Variants in LPCAT2 observed in about 807,000 individuals in gnomAD.
LPCAT2 encodes 1-AGP acyltransferase 11.
LPCAT2 carries 58 observed loss-of-function variants against 64.7 expected under a neutral mutation model. The ratio of observed to expected loss-of-function variants is 0.90; its 90% confidence interval spans 0.73 to 1.12. LPCAT2 has a LOEUF of 1.12. LPCAT2 is among the 50% of genes most tolerant of loss of function. The pLI is 0.00. For missense variants in LPCAT2, 579 were observed against 669.8 expected, an observed-to-expected ratio of 0.86 and a Z score of 1.50; for synonymous variants, 252 against 245.3, an observed-to-expected ratio of 1.03 and a Z score of -0.26.
rs1596867112 is a variant in LPCAT2, at chr16:55,542,049, A to G, written c.853-3686A>G. 52 of 997,930 alleles carry G rather than the reference A, an allele frequency of 5.2e-5. 1 individual carries two copies. The South Asian group carries it at 9.2e-4, about 18-fold the overall frequency. The allele number at this position is 997,930 out of a possible 1,614,324, so 61.8% of individuals were successfully genotyped here. A position where few individuals can be genotyped will look rare whatever the true frequency, so the allele number is the denominator to read the frequency against. On this transcript the variant is annotated intron_variant, in intron 8 of 13. Coordinates refer to ENST00000262134, the MANE Select transcript of LPCAT2 (RefSeq NM_017839.5). The stretch of plus-strand genomic sequence containing the variant: ...TCATAATTCTTCAATCTTCCTCATC[A>G]TTTTTTTAGTAGAAAGGAATGTGCT...
intron 11 of LPCAT2, among the ~76,000 whole-genome samples, chr16:55,571,853 A>G (rs938370680): frequency 1.3e-5 from 2 of 152,202 alleles, no homozygotes; most frequent in Non-Finnish European, 2.9e-5. Flanking sequence ...AGCTATGGCA[A>G]TAGTGAGTTT....
intron 1 of LPCAT2, among the ~76,000 whole-genome samples, chr16:55,515,935 A>G (rs1489396480): frequency 6.6e-6 from 1 of 152,248 alleles, no homozygotes; most frequent in Non-Finnish European, 1.5e-5. Context: ...GACATAGAGA[A>G]ATTTAAAAAG....
At chr16:55,557,103 A>C (rs1963585432) in intron 11 of LPCAT2, 1 of 152,210 alleles carries the variant, frequency 6.6e-6, no homozygotes, top group Non-Finnish European at 1.5e-5. Flanking sequence ...TCTGAGGTTT[A>C]GATATAAACC....
At chr16:55,519,355 A>G (rs1277885211) in intron 1 of LPCAT2, among the ~76,000 whole-genome samples, 1 of 151,654 alleles carries the variant, frequency 6.6e-6, no homozygotes, top group Non-Finnish European at 1.5e-5. Flanking sequence ...AAAAAATACA[A>G]AAAATTAGCC....
intron 8 of LPCAT2, among the ~76,000 whole-genome samples, chr16:55,543,751 G>A (rs1963422256): frequency 6.6e-6 from 1 of 152,168 alleles, no homozygotes; most frequent in African/African-American, 2.4e-5. Flanking sequence ...GGACTTCAGA[G>A]ATCGTTTAGT....
chr16:55,521,033 T>G (rs771336930), intron 1 of LPCAT2, among the ~76,000 whole-genome samples: 1 of 151,562 alleles, frequency 6.6e-6, no homozygotes, highest in Non-Finnish European at 1.5e-5. Flanking sequence ...ACAAACCACA[T>G]AGAAAATTAA....
chr16:55,567,608 C>A (rs190607527), intron 11 of LPCAT2: 1 of 1,136,716 alleles, frequency 8.8e-7, no homozygotes, highest in Non-Finnish European at 1.3e-6. Flanking sequence ...CATTTCCTGG[C>A]AAGCTCTTTC....
At chr16:55,539,275 T>TA (rs1194994937) in intron 8 of LPCAT2, 1 of 151,356 alleles carries the variant, frequency 6.6e-6, no homozygotes, top group African/African-American at 2.4e-5. Context: ...TTTTTTTTTT[T>TA]AATTACGATA....
At chr16:55,561,775 G>C (rs980166080) in intron 11 of LPCAT2, among the ~76,000 whole-genome samples, 4 of 152,000 alleles carry the variant, frequency 2.6e-5, no homozygotes, top group Admixed American at 6.6e-5. Flanking sequence ...CTAAAAGGAA[G>C]AGAGTTCTTT....
intron 2 of LPCAT2, chr16:55,525,942 G>C (rs1963164729): frequency 5.6e-6 from 1 of 178,370 alleles, no homozygotes; most frequent in South Asian, 1.9e-4. Context: ...TGTTTTCTGA[G>C]TTATTGCCAA....
At chr16:55,545,109 C>T (rs1963438690) in intron 8 of LPCAT2, among the ~76,000 whole-genome samples, 1 of 151,790 alleles carries the variant, frequency 6.6e-6, no homozygotes. Context: ...TAAATAAAAA[C>T]AAGAACAATA....
chr16:55,550,982 T>C lies in LPCAT2; in HGVS notation c.1095T>C (p.Asp365=). 1 of 1,607,108 alleles carries C rather than the reference T, an allele frequency of 6.2e-7. No individual in the cohort carries two copies. The highest frequency in any genetic ancestry group is 8.5e-7 in the Non-Finnish European group (1 of 1,175,288). The change falls in exon 11 of 14, where the codon GAT becomes GAC. Residue 365 remains aspartate (D), a synonymous_variant. Coordinates refer to ENST00000262134, the MANE Select transcript of LPCAT2 (RefSeq NM_017839.5). Reference sequence around the variant, plus strand: ...GGGATGGTGTTCGTAAGCATTTGGATGAATATGCATCTATTGCGAGTTCCT... The same window carrying C: ...GGGATGGTGTTCGTAAGCATTTGGACGAATATGCATCTATTGCGAGTTCCT... ...LDWDGVRKHL[D]EYASIASSSK...
chr16:55,532,628 C>A, intron 5 of LPCAT2, 196 bp from the exon 6 acceptor site: 1 of 331,912 alleles, frequency 3.0e-6, no homozygotes, highest in Non-Finnish European at 5.5e-6. Flanking sequence ...TAATATTTTG[C>A]TTCAGTAGTT....
intron 6 of LPCAT2, among the ~76,000 whole-genome samples, chr16:55,533,311 C>T (rs1371616221): frequency 6.6e-6 from 1 of 151,646 alleles, no homozygotes; most frequent in Non-Finnish European, 1.5e-5. Flanking sequence ...TCATTACTGC[C>T]TCAGTACTTA....
chr16:55,510,006 T>TTTTTTTTTTTG (rs1962906874), intron 1 of LPCAT2, among the ~76,000 whole-genome samples: 1 of 149,446 alleles, frequency 6.7e-6, no homozygotes, highest in Non-Finnish European at 1.5e-5. Flanking sequence ...TTTTTTTTTT[T>TTTTTTTTTTTG]TTGCCTTAGG....
intron 7 of LPCAT2, among the ~76,000 whole-genome samples, chr16:55,536,134 C>T (rs1405198663): frequency 6.6e-6 from 1 of 152,182 alleles, no homozygotes; most frequent in Non-Finnish European, 1.5e-5. Context: ...ATTATTAGCA[C>T]TGTGTCTGTT....
chr16:55,579,090 TA>T lies in LPCAT2; in HGVS notation c.1315-18del. The T allele has an allele frequency of 6.2e-7, 1 of 1,610,940 alleles. No individual in the cohort carries two copies. The highest frequency in any genetic ancestry group is 8.5e-7 in the Non-Finnish European group (1 of 1,178,464). On this transcript the variant is annotated intron_variant, in intron 12 of 13. Transcript: ENST00000262134. ...CTATGATCCTGAGGGAGCTAATTCT[TA>T]CATTTTATTTTCTTCAGCTGTTTGA...
intron 1 of LPCAT2, among the ~76,000 whole-genome samples, chr16:55,522,231 A>G (rs1963107570): frequency 6.6e-6 from 1 of 151,744 alleles, no homozygotes; most frequent in South Asian, 2.1e-4. Flanking sequence ...GAAATCAAGT[A>G]ATCTAATTTA....
In LPCAT2 at chr16:55,509,084, GCGTCGC is replaced by G. The variant is rs1248125492; in HGVS notation, c.-96_-91del. On this transcript the variant is annotated 5_prime_UTR_variant, in exon 1 of 14. Coordinates refer to ENST00000262134, the MANE Select transcript of LPCAT2 (RefSeq NM_017839.5). ...TCAGCGCCTGCGCAGAGGCTCCCCA[GCGTCGC>G]CCTAGGCTGGGACTCTAGTAGGTCT... 7.4e-6 allele frequency: 8 copies of G among 1,080,146 alleles called. No homozygotes were observed. Among genetic ancestry groups the G allele is most frequent in the Non-Finnish European group, 9.6e-6 (8 of 836,890 alleles). 66.9% of individuals were successfully genotyped at this position (1,080,146 alleles called of 1,614,324 possible).
Sources: allele counts gnomAD v4.1 joint callset (sites outside exome capture counted in the v4.1 genomes callset), GRCh38; gene constraint gnomAD v4.1.1; transcripts MANE v1.5; gene names NCBI Gene and HGNC (gene_info 2026-07-23, HGNC 2026-07-21).